Variants in UBE4B observed in about 807,000 individuals in gnomAD.
UBE4B encodes the protein ubiquitin conjugation factor E4 B.
UBE4B carries 27 observed loss-of-function variants against 148.1 expected under a neutral mutation model. The observed-to-expected ratio is 0.18, with a 90% CI of 0.13 to 0.25. The LOEUF is 0.25. UBE4B is among the 10% of genes least tolerant of loss of function. UBE4B has a pLI of 1.00. For synonymous variants in UBE4B, 596 were observed against 619.3 expected, an observed-to-expected ratio of 0.96 and a Z score of 0.56; for missense variants, 1,170 against 1,662.4, an observed-to-expected ratio of 0.70 and a Z score of 5.15.
intron 27 of UBE4B, 75 bp from the exon 28 acceptor site, chr1:10,179,820 C>G (rs1363149074): frequency 1.3e-6 from 2 of 1,570,874 alleles, no homozygotes; most frequent in Non-Finnish European, 1.7e-6. Context: ...CCCATTTATA[C>G]AGAGCGACAA....
chr1:10,176,341 T>G (rs1646428590), intron 25 of UBE4B, among the ~76,000 whole-genome samples: 1 of 152,192 alleles, frequency 6.6e-6, no homozygotes, highest in South Asian at 2.1e-4. Context: ...CTGTTTTCAG[T>G]TACTTTGGGT....
chr1:10,035,168 T>A (rs1373122368), intron 1 of UBE4B, among the ~76,000 whole-genome samples: 1 of 150,402 alleles, frequency 6.6e-6, no homozygotes, highest in Non-Finnish European at 1.5e-5. Flanking sequence ...CCGGCTATTT[T>A]TTGTATTTTT....
At chr1:10,053,795 T>A (rs1215901245) in intron 1 of UBE4B, among the ~76,000 whole-genome samples, 1 of 152,102 alleles carries the variant, frequency 6.6e-6, no homozygotes, top group Non-Finnish European at 1.5e-5. Flanking sequence ...GCTCAAGTGA[T>A]CCTCCCACCT....
chr1:10,081,201 T>C (rs1184244098), intron 2 of UBE4B, among the ~76,000 whole-genome samples: 1 of 152,004 alleles, frequency 6.6e-6, no homozygotes, highest in Non-Finnish European at 1.5e-5. Flanking sequence ...TAGCTGGGAT[T>C]ACAGGCCTGT....
intron 11 of UBE4B, 66 bp downstream of exon 11, chr1:10,126,943 AT>A (rs1645510466): frequency 2.1e-6 from 3 of 1,402,948 alleles, no homozygotes; most frequent in Non-Finnish European, 1.0e-6. Context: ...ATTTTGACAT[AT>A]ACTTTTCTTT....
At chr1:10,074,562 C>CGTGGTTGCTCT (rs1333008479) in intron 2 of UBE4B, among the ~76,000 whole-genome samples, 1 of 152,144 alleles carries the variant, frequency 6.6e-6, no homozygotes, top group East Asian at 1.9e-4. Context: ...CGAGGGTTCC[C>CGTGGTTGCTCT]GTGGTTGCTC....
rs539492630 is a variant in UBE4B, at chr1:10,160,955, G to A, written c.3054-187G>A. Among the ~76,000 whole-genome samples, 5 of 152,094 alleles carry A rather than the reference G, an allele frequency of 3.3e-5. No individual in the cohort carries two copies. The East Asian group carries it at 7.7e-4, about 24-fold the overall frequency. ...GAGACCCTGTCTCAAAAAGAAACAA[G>A]ATTAACATAATCTAAAGAGAAGCTT... is the stretch of plus-strand genomic sequence containing the variant. On this transcript the variant is annotated intron_variant, in intron 22 of 27. Transcript: ENST00000343090.
chr1:10,169,672 C>A (rs1316371839), intron 24 of UBE4B, among the ~76,000 whole-genome samples: 1 of 152,220 alleles, frequency 6.6e-6, no homozygotes, highest in Non-Finnish European at 1.5e-5. Flanking sequence ...TCAACACCCA[C>A]CTATTTTGTA....
At chr1:10,125,078 A>T (rs1299102549) in intron 10 of UBE4B, among the ~76,000 whole-genome samples, 1 of 152,224 alleles carries the variant, frequency 6.6e-6, no homozygotes. Flanking sequence ...TTTAGCTGAG[A>T]TCGCGCCACT....
At chr1:10,049,363 T>G (rs1225543149) in intron 1 of UBE4B, among the ~76,000 whole-genome samples, 2 of 151,980 alleles carry the variant, frequency 1.3e-5, no homozygotes, top group East Asian at 1.9e-4. Context: ...GGGGTACGGT[T>G]GATGGGGCAG....
chr1:10,034,969 A>C (rs944809172), intron 1 of UBE4B, among the ~76,000 whole-genome samples: 2 of 151,936 alleles, frequency 1.3e-5, no homozygotes, highest in African/African-American at 4.8e-5. Flanking sequence ...AAATCTCCTT[A>C]GAATCGCTTT....
rs1437013074 is a variant in UBE4B, at chr1:10,151,491, T to G, written c.2856T>G (p.Phe952Leu). ...NPAVQPRTQK[F>L]FEMIENHPLS... ...CTGTTCAGCCACGAACCCAGAAGTT[T>G]TTTGAAATGATTGAGAACCATCCTC... Residue 952 changes from phenylalanine to leucine, a missense_variant, in exon 21 of 28, where the codon TTT (phenylalanine) becomes TTG (leucine). Physicochemically the swap from Phe to Leu is conservative, Grantham distance 22. Transcript: ENST00000343090. The G allele has an allele frequency of 6.2e-7, 1 of 1,614,048 alleles. No individual in the cohort carries two copies. Among genetic ancestry groups the G allele is most frequent in the Non-Finnish European group, 8.5e-7 (1 of 1,180,038 alleles).
chr1:10,106,279 C>T lies in UBE4B; in HGVS notation c.892C>T (p.Arg298Cys), dbSNP rs748208469. 4.3e-6 allele frequency: 7 copies of T among 1,614,140 alleles called. No individual in the cohort carries two copies. The highest frequency in any genetic ancestry group is 2.2e-5 in the South Asian group (2 of 91,080). The change falls in exon 7 of 28, where the codon CGT becomes TGT. Residue 298 changes from arginine to cysteine, a missense_variant. Transcript: ENST00000343090. This position sits in a 1 kb window ranked among gnomAD's most constrained non-coding sequence, Gnocchi z 4.2. The stretch of plus-strand genomic sequence containing the variant: ...GGGCCCGTCTCTTGCCTCACCTTCC[C>T]GTGCAGCCAGCCAGTTGGCTGTGCC... ...VMGPSLASPS[R>C]AASQLAVPST...
intron 21 of UBE4B, among the ~76,000 whole-genome samples, chr1:10,156,349 C>T (rs1185439931): frequency 6.6e-6 from 1 of 151,300 alleles, no homozygotes; most frequent in Admixed American, 6.6e-5. Context: ...AAGTGATCCT[C>T]CTACCTCAGC....
At chr1:10,059,377 A>C (rs1346034895) in intron 1 of UBE4B, 1 of 196,652 alleles carries the variant, frequency 5.1e-6, no homozygotes, top group Non-Finnish European at 1.1e-5. Context: ...CACTATTGTC[A>C]GAGCTCTGCC....
chr1:10,102,331 A>C (rs1320397258), intron 4 of UBE4B, among the ~76,000 whole-genome samples: 1 of 146,862 alleles, frequency 6.8e-6, no homozygotes, highest in Non-Finnish European at 1.5e-5. Context: ...GTAAATAGAT[A>C]GGATATGTAC....
intron 1 of UBE4B, among the ~76,000 whole-genome samples, chr1:10,048,624 A>G (rs1014997349): frequency 7.2e-5 from 11 of 152,190 alleles, no homozygotes; most frequent in Admixed American, 7.2e-4. Context: ...AAAGTATTTC[A>G]TGATGTGGGG....
At chr1:10,120,892 T>C (rs1319510143) in intron 9 of UBE4B, among the ~76,000 whole-genome samples, 1 of 152,130 alleles carries the variant, frequency 6.6e-6, no homozygotes, top group Non-Finnish European at 1.5e-5. Flanking sequence ...ATTACATTTA[T>C]TTATTCTAGG....
At chr1:10,153,060 T>C (rs1026603200) in intron 21 of UBE4B, among the ~76,000 whole-genome samples, 6 of 152,156 alleles carry the variant, frequency 3.9e-5, no homozygotes, top group Admixed American at 2.6e-4. Flanking sequence ...CAACTGCTAC[T>C]GCTGACAGTA....
Sources: allele counts gnomAD v4.1 joint callset (sites outside exome capture counted in the v4.1 genomes callset), GRCh38; gene constraint gnomAD v4.1.1; non-coding constraint Gnocchi (gnomAD v3.1); transcripts MANE v1.5; gene names NCBI Gene and HGNC (gene_info 2026-07-23, HGNC 2026-07-21).